The following ENAH variants were observed in gnomAD, a reference collection of about 807,000 sequenced individuals.
The protein encoded by ENAH is ENAH actin regulator.
A neutral mutation model predicts 78.7 loss-of-function variants in ENAH; 23 were observed. The ratio of observed to expected loss-of-function variants is 0.29; its 90% CI spans 0.21 to 0.41. The LOEUF (loss-of-function observed/expected upper bound fraction) is 0.41. Ranked by LOEUF, ENAH falls within the 10% of genes least tolerant of loss-of-function variation. The probability of loss-of-function intolerance (pLI) is 1.00; values close to 1 mark genes in which losing one functional copy is unlikely to be tolerated. For missense variants in ENAH, 544 were observed against 691.0 expected (o/e 0.79, Z 2.39); for synonymous variants, 226 against 241.0 (o/e 0.94, Z 0.58).
At chr1:225,508,916 G>A (rs564204821) in intron 10 of ENAH, among the ~76,000 whole-genome samples, 4 of 152,226 alleles carry the variant, frequency 2.6e-5, no homozygotes, top group East Asian at 3.9e-4. Flanking sequence ...GTAGCTTACC[G>A]TCTCTTCAAA....
chr1:225,526,750 T>C (rs751740603), intron 4 of ENAH, among the ~76,000 whole-genome samples: 1 of 152,226 alleles, frequency 6.6e-6, no homozygotes, highest in Non-Finnish European at 1.5e-5. Context: ...ATTTCATCAA[T>C]GAAATATATT....
chr1:225,543,997 C>T (rs2096601508), intron 3 of ENAH, among the ~76,000 whole-genome samples: 1 of 152,152 alleles, frequency 6.6e-6, no homozygotes, highest in Admixed American at 6.5e-5. Context: ...CTTCCAAATG[C>T]ACGAAAGCAC....
At position 225,514,796 on chromosome 1, in the gene ENAH, G is replaced by A; in HGVS notation, c.1018C>T (p.Pro340Ser). Residue 340 changes from proline to serine, a missense_variant, in exon 7 of 14, where the codon CCT (proline) becomes TCT (serine). Pro to Ser is a moderately conservative substitution (Grantham distance 74). Around this residue, in one of 4 missense-constraint regions of ENAH, gnomAD observed 366 missense variants for 396.1 expected, o/e 0.92. Transcript: ENST00000366843. The stretch of plus-strand genomic sequence containing the variant: ...GGAGGCCCGGTGGATGGGAGTGGAG[G>A]AGGTGGAGGGGGCCCTGGGGGAGGA... The part of the protein sequence containing the change: ...LPPPPGPPPP[P>S]PLPSTGPPPP... The A allele has an allele frequency of 7.0e-7, 1 of 1,436,710 alleles. No individual in the cohort carries two copies. Among genetic ancestry groups the A allele is most frequent in the Non-Finnish European group, 9.3e-7 (1 of 1,076,770 alleles). The allele number at this position is 1,436,710 out of a possible 1,614,324, so 89.0% of individuals were successfully genotyped here.
At chr1:225,537,536 C>T (rs2096567702) in intron 3 of ENAH, among the ~76,000 whole-genome samples, 2 of 152,150 alleles carry the variant, frequency 1.3e-5, no homozygotes. Context: ...AATACTGATA[C>T]CATTAACTCT....
At chr1:225,558,078 T>C (rs1245844593) in intron 2 of ENAH, among the ~76,000 whole-genome samples, 1 of 152,206 alleles carries the variant, frequency 6.6e-6, no homozygotes, top group Non-Finnish European at 1.5e-5. Context: ...TCCTCATATA[T>C]CAATTTTTAT....
chr1:225,578,109 A>G (rs981305663), intron 1 of ENAH, among the ~76,000 whole-genome samples: 3 of 152,208 alleles, frequency 2.0e-5, no homozygotes, highest in African/African-American at 7.2e-5. Flanking sequence ...TCTTAGAACC[A>G]TAAGAGAGAC....
At chr1:225,533,478 A>T (rs899253387) in intron 3 of ENAH, among the ~76,000 whole-genome samples, 15 of 152,154 alleles carry the variant, frequency 9.9e-5, no homozygotes, top group African/African-American at 3.6e-4. Context: ...TGGGGAGGGG[A>T]AAAAGAGGGA....
intron 1 of ENAH, among the ~76,000 whole-genome samples, chr1:225,641,007 G>T (rs1484706409): frequency 1.3e-5 from 2 of 151,012 alleles, no homozygotes; most frequent in African/African-American, 4.9e-5. Context: ...GGGACTACAG[G>T]CGCCCGCCAC....
rs1000395789 is a variant in ENAH, at chr1:225,536,921, G to A, written c.350-6283C>T. Among the ~76,000 whole-genome samples, 11 of 151,954 alleles carry A rather than the reference G, an allele frequency of 7.2e-5. No individual in the cohort carries two copies. The South Asian group carries it at 2.1e-3, about 29-fold the overall frequency. On this transcript the variant is annotated intron_variant, in intron 3 of 13. Transcript: ENST00000366843. Reference sequence around the variant, plus strand: ...CATAAGATATAGAAAGACCACAGGCGTACACATAAAATGTCTACCAAGCTA... The same window carrying A: ...CATAAGATATAGAAAGACCACAGGCATACACATAAAATGTCTACCAAGCTA...
chr1:225,537,965 C>A (rs1367470321), intron 3 of ENAH, among the ~76,000 whole-genome samples: 1 of 152,160 alleles, frequency 6.6e-6, no homozygotes, highest in Non-Finnish European at 1.5e-5. Flanking sequence ...ATGATTTTCA[C>A]AACCAGCAGT....
chr1:225,602,578 T>A (rs1179505033), intron 1 of ENAH, among the ~76,000 whole-genome samples: 1 of 152,118 alleles, frequency 6.6e-6, no homozygotes, highest in Non-Finnish European at 1.5e-5. Flanking sequence ...TTTTAATCTA[T>A]GCAAACCTGG....
chr1:225,579,780 A>T (rs1356402609), intron 1 of ENAH, among the ~76,000 whole-genome samples: 2 of 152,258 alleles, frequency 1.3e-5, no homozygotes, highest in Non-Finnish European at 2.9e-5. Context: ...CAAAAAGAAT[A>T]GGTAAAAAGA....
chr1:225,561,630 T>TAAAAC (rs1243885702), intron 2 of ENAH, among the ~76,000 whole-genome samples: 1 of 150,912 alleles, frequency 6.6e-6, no homozygotes, highest in Non-Finnish European at 1.5e-5. Flanking sequence ...TAAAATAAAA[T>TAAAAC]AAAATAAAAT....
intron 1 of ENAH, among the ~76,000 whole-genome samples, chr1:225,628,912 A>G (rs866635054): frequency 7.2e-4 from 110 of 152,036 alleles, no homozygotes; most frequent in African/African-American, 2.7e-3. Context: ...GTCTCAAAAA[A>G]AAAAAAAAAA....
At chr1:225,652,079 C>T (rs1663122127) in intron 1 of ENAH, among the ~76,000 whole-genome samples, 1 of 151,918 alleles carries the variant, frequency 6.6e-6, no homozygotes, top group South Asian at 2.1e-4. Context: ...CTTACACACC[C>T]CTACCAACTT....
chr1:225,608,997 G>C (rs2096973261), intron 1 of ENAH, among the ~76,000 whole-genome samples: 1 of 151,884 alleles, frequency 6.6e-6, no homozygotes, highest in South Asian at 2.1e-4. Flanking sequence ...GGCTCTAATA[G>C]ATATTCTTAA....
chr1:225,507,962 A>G lies in ENAH; in HGVS notation c.1527T>C (p.Pro509=). Residue 509 remains proline, a synonymous_variant, in exon 11 of 14, where the codon CCT becomes CCC. Coordinates refer to ENST00000366843, the MANE Select transcript of ENAH (RefSeq NM_018212.6). The part of the protein sequence containing the change: ...RTNTMNGSKS[P]VISRPKSTPL... ...AAAAAAATTGATACCTGGAGATAAC[A>G]GGTGACTTGCTGCCATTCATTGTAT... 6.4e-7 allele frequency: 1 copy of G among 1,555,946 alleles called. No homozygotes were observed.
chr1:225,590,132 G>C (rs991512381), intron 1 of ENAH, among the ~76,000 whole-genome samples: 3 of 102,286 alleles, frequency 2.9e-5, no homozygotes, highest in Admixed American at 1.0e-4. Context: ...CACACACACA[G>C]CACCAAGGTT....
At position 225,490,901 on chromosome 1, in the gene ENAH, T is replaced by C. The variant is rs2096219311; in HGVS notation, c.*6874A>G. Reference sequence around the variant, plus strand: ...ATTCATCACCTCAGACTCACTGTGATGCCCAACCACTGGCACTGGGGTGGC... The same window carrying C: ...ATTCATCACCTCAGACTCACTGTGACGCCCAACCACTGGCACTGGGGTGGC... On this transcript the variant is annotated 3_prime_UTR_variant, in exon 14 of 14. Coordinates refer to ENST00000366843, the MANE Select transcript of ENAH (RefSeq NM_018212.6). 1 of 152,224 alleles carries C rather than the reference T, an allele frequency of 6.6e-6. No individual in the cohort carries two copies. The highest frequency in any genetic ancestry group is 1.5e-5 in the Non-Finnish European group (1 of 68,052). The allele number at this position is 152,224 out of a possible 1,614,324, so 9.4% of individuals were successfully genotyped here.
Sources: allele counts gnomAD v4.1 joint callset (sites outside exome capture counted in the v4.1 genomes callset), GRCh38; gene constraint gnomAD v4.1.1; regional missense constraint gnomAD v4.1.1; transcripts MANE v1.5; gene names NCBI Gene and HGNC (gene_info 2026-07-23, HGNC 2026-07-21).